Variants in DCHS1 observed in about 807,000 individuals in gnomAD.
The protein encoded by DCHS1 is protocadherin-16.
DCHS1 carries 78 observed loss-of-function variants against 213.9 expected under a neutral mutation model. The observed-to-expected ratio is 0.36, with a 90% CI of 0.30 to 0.44. The LOEUF is 0.44. Among genes scored for constraint, DCHS1 ranks in the 20% least tolerant of loss-of-function variants. The pLI, the probability that DCHS1 is intolerant of heterozygous loss-of-function variation, is 1.00. For synonymous variants in DCHS1, 1,828 were observed against 1,873.7 expected (o/e 0.98, Z 0.63); for missense variants, 3,946 against 4,395.9 (o/e 0.90, Z 2.89).
chr11:6,624,263 C>T lies in DCHS1; in HGVS notation c.7413G>A (p.Gln2471=). The change falls in exon 21 of 21, where the codon CAG becomes CAA. Residue 2471 remains glutamine, a synonymous_variant. Transcript: ENST00000299441. ...GRAARATVHV[Q]LQDQNDHAPS... is the part of the protein sequence containing the mutation. The stretch of plus-strand genomic sequence containing the variant: ...GGGCGTGGTCGTTCTGGTCCTGCAG[C>T]TGCACGTGCACTGTGGCTCGTGCTG... The T allele has an allele frequency of 1.9e-6, 3 of 1,611,600 alleles. No individual in the cohort carries two copies. Among genetic ancestry groups the T allele is most frequent in the Non-Finnish European group, 2.5e-6 (3 of 1,179,104 alleles).
Position 6,627,988 on chromosome 11 carries a change from G to A in DCHS1, c.5372-321C>T, listed in dbSNP as rs1803020342. Among the ~76,000 whole-genome samples, 1 of 151,742 alleles carries A rather than the reference G, an allele frequency of 6.6e-6. No individual in the cohort carries two copies. The highest frequency in any genetic ancestry group is 1.5e-5 in the Non-Finnish European group (1 of 67,916). ...GTAGAATTTACAGATGCTCTATGAC[G>A]TGATGATATAATGTCTTGGTTAAGG... is the stretch of plus-strand genomic sequence containing the variant. On this transcript the variant is annotated intron_variant, in intron 13 of 20. Coordinates refer to ENST00000299441, the MANE Select transcript of DCHS1 (RefSeq NM_003737.4). The surrounding 1 kb of genome is among the most constrained non-coding windows in gnomAD (Gnocchi z 5.4).
chr11:6,651,192 T>C (rs1185568234), intron 1 of DCHS1, among the ~76,000 whole-genome samples: 1 of 151,852 alleles, frequency 6.6e-6, no homozygotes, highest in Non-Finnish European at 1.5e-5. Context: ...AAACACAGAG[T>C]TCAAGCCTGC....
In DCHS1 at chr11:6,627,771, CT is replaced by C; in HGVS notation, c.5372-105del. 1 of 1,244,204 alleles carries C rather than the reference CT, an allele frequency of 8.0e-7. No individual in the cohort carries two copies. Among genetic ancestry groups the C allele is most frequent in the Non-Finnish European group, 1.1e-6 (1 of 915,216 alleles). The allele number at this position is 1,244,204 out of a possible 1,614,324, so 77.1% of individuals were successfully genotyped here. A position where few individuals can be genotyped will look rare whatever the true frequency, so the allele number is the denominator to read the frequency against. Reference sequence around the variant, plus strand: ...AGCATGTGCACAAAAGCAAGTGAACCTTATGAGAGAAAGGAAGAAAAACAGA... The same window carrying C: ...AGCATGTGCACAAAAGCAAGTGAACCTATGAGAGAAAGGAAGAAAAACAGA... On this transcript the variant is annotated intron_variant, in intron 13 of 20. Coordinates refer to ENST00000299441, the MANE Select transcript of DCHS1 (RefSeq NM_003737.4). The surrounding 1 kb of genome is among the most constrained non-coding windows in gnomAD (Gnocchi z 5.4).
At position 6,640,134 on chromosome 11, in the gene DCHS1, G is replaced by A. The variant is rs576322248; in HGVS notation, c.1480C>T (p.Arg494Trp). The A allele has an allele frequency of 3.0e-5, 48 of 1,613,560 alleles. No individual in the cohort carries two copies. The South Asian group carries it at 4.7e-4, about 16-fold the overall frequency. The change falls in exon 2 of 21, where the codon CGG becomes TGG. Residue 494 changes from arginine (R) to tryptophan (W), a missense_variant. Arg to Trp is a moderately radical substitution (Grantham distance 101). Coordinates refer to ENST00000299441, the MANE Select transcript of DCHS1 (RefSeq NM_003737.4). This position sits in a 1 kb window ranked among gnomAD's most constrained non-coding sequence, Gnocchi z 6.5. ...TGGTCAGGATCCCGAGCAGTCACCC[G>A]CACTACAAAGCTGCCAGGCAGCGCA... ...EVALPGSFVV[R>W]VTARDPDQGT...
chr11:6,646,819 C>G lies in DCHS1; in HGVS notation c.-120-5086G>C, dbSNP rs1316640111. 3.9e-5 allele frequency among the ~76,000 whole-genome samples: 6 copies of G among 152,314 alleles called. No homozygotes were observed. In the East Asian group the frequency reaches 7.7e-4, roughly 20 times the overall value. The stretch of plus-strand genomic sequence containing the variant: ...GCCTGAAACGTGATGTCAATTCCCC[C>G]TCCCTCACCAACAGAGCTTCCCTCA... On this transcript the variant is annotated intron_variant, in intron 1 of 20. Transcript: ENST00000299441.
intron 1 of DCHS1, among the ~76,000 whole-genome samples, chr11:6,648,845 T>C (rs1475110409): frequency 6.6e-6 from 1 of 152,182 alleles, no homozygotes. Flanking sequence ...GCTTTATAAG[T>C]ATGTGAGCAT....
At chr11:6,633,130 C>T (rs1389760171) in intron 5 of DCHS1, 74 bp from the exon 6 acceptor site, 34 of 1,509,072 alleles carry the variant, frequency 2.3e-5, no homozygotes, top group African/African-American at 5.5e-5. Flanking sequence ...AGTCTGATCC[C>T]GAGAAGGACT....
chr11:6,651,626 C>G (rs1856243533), intron 1 of DCHS1, among the ~76,000 whole-genome samples: 1 of 151,992 alleles, frequency 6.6e-6, no homozygotes, highest in African/African-American at 2.4e-5. Flanking sequence ...AGTTAGGAGG[C>G]TCTTGCAAAA....
Position 6,655,762 on chromosome 11 carries a change from G to A in DCHS1, c.-320C>T, listed in dbSNP as rs1856307662. On this transcript the variant is annotated 5_prime_UTR_variant, in exon 1 of 21. Transcript: ENST00000299441. The stretch of plus-strand genomic sequence containing the variant: ...TCGATCGGTCCGTCCGCTGACGCCC[G>A]GGCGCCGCCTCCTGCACAGCCGCCC... 1 of 980,044 alleles carries A rather than the reference G, an allele frequency of 1.0e-6. No individual in the cohort carries two copies. The highest frequency in any genetic ancestry group is 1.2e-6 in the Non-Finnish European group (1 of 827,842). 60.7% of individuals were successfully genotyped at this position (980,044 alleles called of 1,614,324 possible).
In DCHS1 at chr11:6,625,288, A is replaced by G; in HGVS notation, c.7056T>C (p.His2352=). Residue 2352 remains histidine (H), a synonymous_variant, in exon 19 of 21, where the codon CAT becomes CAC. Transcript: ENST00000299441. This position sits in a 1 kb window ranked among gnomAD's most constrained non-coding sequence, Gnocchi z 5.3. The part of the protein sequence containing the change: ...CDRYQLQLLA[H]DGPHEGRANL... ...TGGCACGGCCCTCATGAGGCCCATC[A>G]TGTGCCAGCAGCTGCAGCTGGTAGC... 1 of 1,613,806 alleles carries G rather than the reference A, an allele frequency of 6.2e-7. No individual in the cohort carries two copies. The highest frequency in any genetic ancestry group is 1.1e-5 in the South Asian group (1 of 91,080).
intron 1 of DCHS1, among the ~76,000 whole-genome samples, chr11:6,646,165 C>T (rs1856151676): frequency 2.0e-5 from 3 of 152,176 alleles, no homozygotes; most frequent in South Asian, 4.2e-4. Context: ...TCCACACACA[C>T]AGGCCCAGTG....
In DCHS1 at chr11:6,640,780, G is replaced by A. The variant is rs776130639; in HGVS notation, c.834C>T (p.Phe278=). The A allele has an allele frequency of 8.1e-6, 13 of 1,614,010 alleles. No homozygotes were observed. The South Asian group carries it at 9.9e-5, about 12-fold the overall frequency. ...LAPGSPVLQV[F]ASDADAGVNG... ...TGACACCAGCATCGGCATCAGATGCGAACACCTGCAAGACAGGACTGCCAG... is the reference window on the plus strand; with the variant it reads ...TGACACCAGCATCGGCATCAGATGCAAACACCTGCAAGACAGGACTGCCAG... Residue 278 remains phenylalanine, a synonymous_variant, in exon 2 of 21, where the codon TTC becomes TTT. Transcript: ENST00000299441. This position sits in a 1 kb window ranked among gnomAD's most constrained non-coding sequence, Gnocchi z 6.5.
Position 6,630,424 on chromosome 11 carries a change from G to C in DCHS1, c.4370C>G (p.Thr1457Ser). 6.8e-7 allele frequency: 1 copy of C among 1,476,428 alleles called. No individual in the cohort carries two copies. Among genetic ancestry groups the C allele is most frequent in the Non-Finnish European group, 8.9e-7 (1 of 1,120,300 alleles). The allele number at this position is 1,476,428 out of a possible 1,614,324, so 91.5% of individuals were successfully genotyped here. A position where few individuals can be genotyped will look rare whatever the true frequency, so the allele number is the denominator to read the frequency against. ...GCCGTCGGCGTCCGACGCGCGGAAA[G>C]TGTACAGCGCTGCGCCGGGCTCCGG... ...ENPEPGAALYTFRASDADGPG... is the reference protein window; with the variant it reads ...ENPEPGAALYSFRASDADGPG... The change falls in exon 10 of 21, where the codon ACT (threonine) becomes AGT (serine). Residue 1457 changes from threonine to serine, a missense_variant. Around this residue, in one of 3 missense-constraint regions of DCHS1, gnomAD observed 3,384 missense variants for 3,780.1 expected, o/e 0.90. Transcript: ENST00000299441.
Position 6,641,816 on chromosome 11 carries a change from C to G in DCHS1, c.-120-83G>C. On this transcript the variant is annotated intron_variant, in intron 1 of 20. Coordinates refer to ENST00000299441, the MANE Select transcript of DCHS1 (RefSeq NM_003737.4). The surrounding 1 kb of genome is among the most constrained non-coding windows in gnomAD (Gnocchi z 7.1). ...ACCTGGACGAGGCCACATCAACATT[C>G]AGATATGCTCAGCCCCCAGCAGGCC... 8.5e-7 allele frequency: 1 copy of G among 1,176,242 alleles called. No homozygotes were observed. The highest frequency in any genetic ancestry group is 2.6e-5 in the East Asian group (1 of 38,546). The allele number at this position is 1,176,242 out of a possible 1,614,324, so 72.9% of individuals were successfully genotyped here. A position where few individuals can be genotyped will look rare whatever the true frequency, so the allele number is the denominator to read the frequency against.
chr11:6,646,284 G>T (rs546126066), intron 1 of DCHS1, among the ~76,000 whole-genome samples: 1 of 152,208 alleles, frequency 6.6e-6, no homozygotes, highest in African/African-American at 2.4e-5. Context: ...TCAGCTCTGC[G>T]GCTGCAGCTG....
At chr11:6,655,149 TCA>T (rs144009543) in intron 1 of DCHS1, among the ~76,000 whole-genome samples, 84 of 152,134 alleles carry the variant, frequency 5.5e-4, no homozygotes, top group Admixed American at 1.2e-3. Flanking sequence ...CAACACACCC[TCA>T]CAGGGACTCG....
intron 2 of DCHS1, chr11:6,634,943 T>C (rs1485135829): frequency 6.6e-6 from 1 of 152,238 alleles, no homozygotes; most frequent in Non-Finnish European, 1.5e-5. Flanking sequence ...AATGCTAGTA[T>C]TGATTTTGGA....
rs78810415 is a variant in DCHS1, at chr11:6,636,850, C to A, written c.1798-2544G>T. Among the ~76,000 whole-genome samples the A allele has an allele frequency of 4.9e-3, 739 of 152,320 alleles. 3 individuals are homozygous for A. The highest frequency in any genetic ancestry group is 0.03 in the South Asian group (146 of 4,826). On this transcript the variant is annotated intron_variant, in intron 2 of 20. Coordinates refer to ENST00000299441, the MANE Select transcript of DCHS1 (RefSeq NM_003737.4). ...TCGTCTATACTTTCACTCTAGACCA[C>A]TCCTCTGAGATTTCCCAACTTTTAC...
intron 1 of DCHS1, among the ~76,000 whole-genome samples, chr11:6,651,395 G>C (rs1856240484): frequency 1.3e-5 from 2 of 152,200 alleles, no homozygotes; most frequent in Admixed American, 6.5e-5. Flanking sequence ...ACGTGAGGGG[G>C]CTGGGGAAAT....
Sources: allele counts gnomAD v4.1 joint callset (sites outside exome capture counted in the v4.1 genomes callset), GRCh38; gene constraint gnomAD v4.1.1; regional missense constraint gnomAD v4.1.1; non-coding constraint Gnocchi (gnomAD v3.1); transcripts MANE v1.5; gene names NCBI Gene and HGNC (gene_info 2026-07-23, HGNC 2026-07-21).